AFG2A: variants seen among roughly 807,000 people sequenced by gnomAD.
AFG2A encodes ATPase family gene 2 protein homolog A.
the AFG2A span, among the ~76,000 whole-genome samples, chr4:123,139,048 T>G: frequency 5.9e-5 from 9 of 152,160 alleles, no homozygotes; most frequent in African/African-American, 2.2e-4. Context: ...ATTTTGGAAT[T>G]TTTAATAGCT....
the AFG2A span, chr4:123,317,400 A>G: frequency 6.6e-6 from 1 of 152,192 alleles, no homozygotes; most frequent in Non-Finnish European, 1.5e-5. Flanking sequence ...CACTTGGACT[A>G]GTTACAGGAA....
At chr4:123,005,217 C>G in the AFG2A span, among the ~76,000 whole-genome samples, 1 of 152,062 alleles carries the variant, frequency 6.6e-6, no homozygotes, top group African/African-American at 2.4e-5. Context: ...ATGGCATGAT[C>G]ACAGCTCACT....
At chr4:122,952,604 C>A in the AFG2A span, among the ~76,000 whole-genome samples, 6 of 152,186 alleles carry the variant, frequency 3.9e-5, no homozygotes, top group Admixed American at 1.3e-4. Flanking sequence ...TATAGCTCAT[C>A]CTGTTTGCCA....
At chr4:123,016,994 C>G in the AFG2A span, among the ~76,000 whole-genome samples, 1 of 150,998 alleles carries the variant, frequency 6.6e-6, no homozygotes, top group Non-Finnish European at 1.5e-5. Flanking sequence ...TGGTGGCGCA[C>G]GCCTGCAATC....
At chr4:123,145,519 C>T in the AFG2A span, among the ~76,000 whole-genome samples, 2 of 152,082 alleles carry the variant, frequency 1.3e-5, 1 homozygote, top group South Asian at 4.1e-4. Flanking sequence ...ATTATCTCTT[C>T]CTTTTACATG....
At chr4:122,997,334 TTAGA>T in the AFG2A span, among the ~76,000 whole-genome samples, 1 of 152,204 alleles carries the variant, frequency 6.6e-6, no homozygotes, top group South Asian at 2.1e-4. Flanking sequence ...CCCATCTCAC[TTAGA>T]TAATCACTTT....
the AFG2A span, among the ~76,000 whole-genome samples, chr4:122,938,580 T>C: frequency 6.6e-6 from 1 of 152,118 alleles, no homozygotes; most frequent in Non-Finnish European, 1.5e-5. Context: ...GGGGATTTTA[T>C]TTTATTTTTA....
the AFG2A span, among the ~76,000 whole-genome samples, chr4:123,015,853 C>CA: frequency 5.1e-3 from 51 of 10,038 alleles, no homozygotes; most frequent in East Asian, 0.027. Flanking sequence ...GCTGGCCGGG[C>CA]GGGGGGCTGA....
chr4:123,132,972 G>A, the AFG2A span, among the ~76,000 whole-genome samples: 2 of 151,940 alleles, frequency 1.3e-5, no homozygotes, highest in South Asian at 2.1e-4. Context: ...AGTAGAGACG[G>A]GGTTTCACCG....
chr4:122,993,673 A>T, the AFG2A span, among the ~76,000 whole-genome samples: 1 of 152,048 alleles, frequency 6.6e-6, no homozygotes, highest in African/African-American at 2.4e-5. Context: ...AATTATAACA[A>T]CCTTAAGCAG....
the AFG2A span, among the ~76,000 whole-genome samples, chr4:123,124,390 A>G: frequency 1.8e-4 from 27 of 152,348 alleles, 1 homozygote; most frequent in Admixed American, 1.4e-3. Flanking sequence ...TTGCAAGGAC[A>G]AAAAACCAAA....
the AFG2A span, among the ~76,000 whole-genome samples, chr4:123,200,258 A>G: frequency 6.6e-6 from 1 of 152,366 alleles, no homozygotes; most frequent in East Asian, 1.9e-4. Context: ...TGATTACTCT[A>G]TTCCAAAAGG....
chr4:123,048,014 A>G, the AFG2A span, among the ~76,000 whole-genome samples: 9 of 152,058 alleles, frequency 5.9e-5, no homozygotes, highest in Non-Finnish European at 2.9e-5. Flanking sequence ...TAAGCCTTTA[A>G]TACATTTTGA....
the AFG2A span, among the ~76,000 whole-genome samples, chr4:123,137,070 G>A: frequency 6.6e-6 from 1 of 152,070 alleles, no homozygotes; most frequent in African/African-American, 2.4e-5. Flanking sequence ...TACCTTGCAC[G>A]CACAATTCAC....
At chr4:122,999,009 T>C in the AFG2A span, among the ~76,000 whole-genome samples, 1 of 151,946 alleles carries the variant, frequency 6.6e-6, no homozygotes, top group Non-Finnish European at 1.5e-5. Flanking sequence ...CCATTCTAAC[T>C]GGTGTGAGAT....
chr4:123,135,812 C>T, the AFG2A span, among the ~76,000 whole-genome samples: 2 of 152,088 alleles, frequency 1.3e-5, no homozygotes, highest in Non-Finnish European at 1.5e-5. Context: ...GAACTAATCC[C>T]TCATAGATAC....
the AFG2A span, among the ~76,000 whole-genome samples, chr4:123,299,986 T>A: frequency 2.0e-5 from 3 of 152,200 alleles, no homozygotes; most frequent in African/African-American, 7.2e-5. Context: ...ACTCTTTGCA[T>A]ATCTGTGGCC....
At chr4:123,152,077 T>G in the AFG2A span, among the ~76,000 whole-genome samples, 1 of 140,792 alleles carries the variant, frequency 7.1e-6, no homozygotes, top group African/African-American at 2.7e-5. Context: ...AGTTGAACAA[T>G]GAGAACACAT....
chr4:123,180,146 G>A, the AFG2A span, among the ~76,000 whole-genome samples: 1 of 152,152 alleles, frequency 6.6e-6, no homozygotes, highest in South Asian at 2.1e-4. Flanking sequence ...CTCGAACCCA[G>A]GAGGCAGAGG....
Sources: gnomAD v4.1 joint callset for allele counts (sites outside exome capture counted in the v4.1 genomes callset) on GRCh38, gnomAD v4.1.1 for gene constraint, MANE v1.5 for transcripts, NCBI Gene and HGNC (gene_info 2026-07-23, HGNC 2026-07-21) for gene names.